NCALD: variants seen among roughly 807,000 people sequenced by gnomAD.
NCALD encodes neurocalcin delta, also known as neurocalcin-delta.
Under a neutral mutation model 18.6 loss-of-function variants are expected in NCALD, and 10 were observed. The ratio of observed to expected loss-of-function variants is 0.54; its 90% CI spans 0.33 to 0.91. The LOEUF (loss-of-function observed/expected upper bound fraction) is 0.91, where lower values mean the gene tolerates loss of function less well. Ranked by LOEUF, NCALD falls within the 40% of genes least tolerant of loss-of-function variation. The pLI, the probability that NCALD is intolerant of heterozygous loss-of-function variation, is 0.03. For missense variants in NCALD, 184 were observed against 247.6 expected, an observed-to-expected ratio of 0.74 and a Z score of 1.72; for synonymous variants, 88 against 87.4, an observed-to-expected ratio of 1.01 and a Z score of -0.04.
At chr8:102,122,981 G>C (rs781073392) in intron 1 of NCALD, among the ~76,000 whole-genome samples, 1 of 152,102 alleles carries the variant, frequency 6.6e-6, no homozygotes, top group Non-Finnish European at 1.5e-5. Flanking sequence ...TCCTTGCCCC[G>C]CTACCGCAAG....
At chr8:101,960,923 A>G (rs1220097173) in intron 2 of NCALD, among the ~76,000 whole-genome samples, 1 of 151,712 alleles carries the variant, frequency 6.6e-6, no homozygotes, top group African/African-American at 2.4e-5. Flanking sequence ...CCCAAATGTC[A>G]CCTCCTTAAT....
intron 1 of NCALD, among the ~76,000 whole-genome samples, chr8:101,771,639 T>A (rs1811588895): frequency 6.6e-6 from 1 of 152,194 alleles, no homozygotes; most frequent in Non-Finnish European, 1.5e-5. Flanking sequence ...AAGAGTTTAA[T>A]TTTGGCAAAC....
chr8:102,028,226 T>C (rs1269045392), intron 1 of NCALD, among the ~76,000 whole-genome samples: 1 of 152,190 alleles, frequency 6.6e-6, no homozygotes, highest in South Asian at 2.1e-4. Flanking sequence ...CAGTTATGCA[T>C]ACATCTTACT....
intron 1 of NCALD, among the ~76,000 whole-genome samples, chr8:102,086,030 T>G (rs1469089741): frequency 6.6e-6 from 1 of 152,112 alleles, no homozygotes; most frequent in East Asian, 1.9e-4. Flanking sequence ...TGGGAAAGAG[T>G]CAGCAGTAAA....
At chr8:101,747,035 C>A (rs1433786248) in intron 1 of NCALD, among the ~76,000 whole-genome samples, 2 of 152,126 alleles carry the variant, frequency 1.3e-5, no homozygotes, top group African/African-American at 2.4e-5. Flanking sequence ...CTCAAAGCAG[C>A]CAACTCTACG....
intron 1 of NCALD, among the ~76,000 whole-genome samples, chr8:101,775,191 A>G (rs1811742580): frequency 6.6e-6 from 1 of 152,192 alleles, no homozygotes; most frequent in Non-Finnish European, 1.5e-5. Context: ...AGTACAGATT[A>G]TGACTTCATA....
In NCALD at chr8:101,688,720, C is replaced by G. The variant is rs2129888021; in HGVS notation, c.*589G>C. 1 of 496,486 alleles carries G rather than the reference C, an allele frequency of 2.0e-6. No homozygotes were observed. Among genetic ancestry groups the G allele is most frequent in the East Asian group, 5.7e-5 (1 of 17,502 alleles). 30.8% of individuals were successfully genotyped at this position (496,486 alleles called of 1,614,324 possible). ...AATAGCTGAGCCATCTTTTTCCTCT[C>G]CTCTGTTAATTTATCTTGAAATGTT... On this transcript the variant is annotated 3_prime_UTR_variant, in exon 4 of 4. Transcript: ENST00000220931.
chr8:101,922,792 C>A (rs1214056287), intron 2 of NCALD, among the ~76,000 whole-genome samples: 1 of 152,130 alleles, frequency 6.6e-6, no homozygotes, highest in African/African-American at 2.4e-5. Context: ...CTATGTTTTT[C>A]TTCTATACAT....
chr8:102,008,322 G>C (rs1362135118), intron 2 of NCALD, among the ~76,000 whole-genome samples: 1 of 152,082 alleles, frequency 6.6e-6, no homozygotes, highest in African/African-American at 2.4e-5. Context: ...TCATGACTGA[G>C]CAACCCTTAG....
chr8:102,124,044 G>A (rs1826031309), intron 1 of NCALD: 1 of 152,312 alleles, frequency 6.6e-6, no homozygotes, highest in African/African-American at 2.4e-5. Flanking sequence ...GAATTGACAG[G>A]GTGAACTGCA....
chr8:101,824,009 G>A (rs1422528562), intron 4 of NCALD, among the ~76,000 whole-genome samples: 4 of 152,048 alleles, frequency 2.6e-5, no homozygotes, highest in South Asian at 2.1e-4. Flanking sequence ...CAATGCAAAC[G>A]CTACAATTAT....
intron 4 of NCALD, among the ~76,000 whole-genome samples, chr8:101,884,476 C>T (rs946335241): frequency 2.0e-5 from 3 of 152,146 alleles, no homozygotes; most frequent in Non-Finnish European, 4.4e-5. Context: ...CTTCTAGAAA[C>T]ATAATCTATT....
intron 2 of NCALD, among the ~76,000 whole-genome samples, chr8:101,991,163 A>G (rs896241704): frequency 2.0e-5 from 3 of 152,182 alleles, no homozygotes; most frequent in Non-Finnish European, 2.9e-5. Flanking sequence ...TATCGACAAC[A>G]TCCTATTTTT....
chr8:101,950,357 A>G (rs1370556183), intron 2 of NCALD: 1 of 152,252 alleles, frequency 6.6e-6, no homozygotes, highest in Non-Finnish European at 1.5e-5. Context: ...AGGACCAGGC[A>G]TTTCTAAAAG....
chr8:101,826,790 G>C lies in NCALD; in HGVS notation c.-20+60351C>G, dbSNP rs993956594. ...GGCTTAACAATTCGGCAGGCATTAG[G>C]ATATTTCCTACCAGAGAGTGCTATA... On this transcript the variant is annotated intron_variant, in intron 4 of 6. Transcript: ENST00000311028. Among the ~76,000 whole-genome samples, 11 of 152,270 alleles carry C rather than the reference G, an allele frequency of 7.2e-5. No individual in the cohort carries two copies. In the South Asian group the frequency reaches 1.9e-3, roughly 26 times the overall value.
chr8:101,869,526 G>T (rs1157904032), intron 4 of NCALD, among the ~76,000 whole-genome samples: 1 of 152,170 alleles, frequency 6.6e-6, no homozygotes, highest in Non-Finnish European at 1.5e-5. Context: ...CACTATATTT[G>T]TGGTTAATTT....
At chr8:101,702,196 C>T (rs1424808721) in intron 2 of NCALD, among the ~76,000 whole-genome samples, 1 of 151,958 alleles carries the variant, frequency 6.6e-6, no homozygotes, top group African/African-American at 2.4e-5. Flanking sequence ...ACCACTGAAC[C>T]ACTTTGTGTA....
At chr8:101,691,896 G>A (rs775312675) in intron 3 of NCALD, 14 of 985,440 alleles carry the variant, frequency 1.4e-5, no homozygotes, top group African/African-American at 8.7e-5. Context: ...TGAACAGATC[G>A]GGTGAGCTGA....
chr8:101,850,796 T>C (rs1815063968), intron 4 of NCALD, among the ~76,000 whole-genome samples: 1 of 152,184 alleles, frequency 6.6e-6, no homozygotes, highest in Non-Finnish European at 1.5e-5. Context: ...AAGATAAATC[T>C]ATAAATATAA....
Sources: allele counts gnomAD v4.1 joint callset (sites outside exome capture counted in the v4.1 genomes callset), GRCh38; gene constraint gnomAD v4.1.1; transcripts MANE v1.5; gene names NCBI Gene and HGNC (gene_info 2026-07-23, HGNC 2026-07-21).